Variants in SMR3B observed in about 807,000 individuals in gnomAD.
SMR3B encodes the protein submaxillary gland androgen-regulated protein 3B.
For synonymous variants in SMR3B, 42 were observed against 36.1 expected (o/e 1.16, Z -0.59); for missense variants, 114 against 99.9 (o/e 1.14, Z -0.60).
chr4:70,387,887 C>A (rs1732692298), intron 2 of SMR3B, among the ~76,000 whole-genome samples: 1 of 152,198 alleles, frequency 6.6e-6, no homozygotes, highest in African/African-American at 2.4e-5. Context: ...TTGTGACATC[C>A]TCTACCATTG....
At chr4:70,384,049 C>T (rs1021714393) in intron 1 of SMR3B, among the ~76,000 whole-genome samples, 1 of 151,198 alleles carries the variant, frequency 6.6e-6, no homozygotes, top group Non-Finnish European at 1.5e-5. Flanking sequence ...CTCTTCCAAG[C>T]AATAAAATTT....
chr4:70,389,291 G>A (rs1732717681), intron 2 of SMR3B, among the ~76,000 whole-genome samples: 3 of 152,024 alleles, frequency 2.0e-5, no homozygotes, highest in Admixed American at 2.0e-4. Context: ...TATGGTTGTT[G>A]GCAGGATTCA....
intron 1 of SMR3B, among the ~76,000 whole-genome samples, chr4:70,384,163 G>T (rs1732612944): frequency 6.6e-6 from 1 of 151,942 alleles, no homozygotes; most frequent in Non-Finnish European, 1.5e-5. Context: ...ATGAAAATAA[G>T]TATACATTTT....
intron 2 of SMR3B, among the ~76,000 whole-genome samples, chr4:70,385,405 T>G (rs967072000): frequency 1.5e-5 from 2 of 134,452 alleles, no homozygotes; most frequent in Non-Finnish European, 3.1e-5. Flanking sequence ...TTTGTTTTTT[T>G]TTTTTTTTTT....
chr4:70,386,395 T>C (rs1053189160), intron 2 of SMR3B, among the ~76,000 whole-genome samples: 2 of 152,100 alleles, frequency 1.3e-5, no homozygotes, highest in Non-Finnish European at 2.9e-5. Context: ...TTATTGAATG[T>C]TGGAAATATG....
chr4:70,389,084 C>A (rs1466755050), intron 2 of SMR3B, among the ~76,000 whole-genome samples: 5 of 152,070 alleles, frequency 3.3e-5, no homozygotes, highest in Admixed American at 6.6e-5. Context: ...GACTTAGATA[C>A]AATGTAATGG....
intron 2 of SMR3B, among the ~76,000 whole-genome samples, chr4:70,388,364 C>T (rs963919784): frequency 6.6e-6 from 1 of 152,148 alleles, no homozygotes; most frequent in Non-Finnish European, 1.5e-5. Context: ...CCACCTGCCT[C>T]AGCCTCCCAA....
At chr4:70,387,236 A>G (rs866987273) in intron 2 of SMR3B, among the ~76,000 whole-genome samples, 22 of 152,328 alleles carry the variant, frequency 1.4e-4, no homozygotes, top group Middle Eastern at 3.4e-3. Context: ...CAAATGATCT[A>G]TTTAAACTTT....
intron 2 of SMR3B, 65 bp from the exon 3 acceptor site, chr4:70,389,598 G>A: frequency 6.6e-7 from 1 of 1,505,010 alleles, no homozygotes; most frequent in Non-Finnish European, 9.1e-7. Flanking sequence ...ACCACAGAAA[G>A]CATTCACCCT....
intron 2 of SMR3B, among the ~76,000 whole-genome samples, chr4:70,387,165 C>G (rs1203686110): frequency 6.6e-6 from 1 of 152,108 alleles, no homozygotes; most frequent in African/African-American, 2.4e-5. Flanking sequence ...AACAAGGGTA[C>G]CGGTGGTTGA....
Position 70,384,541 on chromosome 4 carries a change from T to TGG in SMR3B, c.33_34dup (p.Ala12GlyfsTer100). 1 of 1,610,970 alleles carries TGG rather than the reference T, an allele frequency of 6.2e-7. No homozygotes were observed. The highest frequency in any genetic ancestry group is 1.1e-5 in the South Asian group (1 of 90,704). Reference sequence around the variant, plus strand: ...ATCACTGACTTGGATCTTGGGCCTTTGGGCTCTTGCAGCGTGTTTCACAGT... The same window carrying TGG: ...ATCACTGACTTGGATCTTGGGCCTTTGGGGGCTCTTGCAGCGTGTTTCACAGT... On this transcript the variant is annotated frameshift_variant, in exon 2 of 3. Coordinates refer to ENST00000304915, the MANE Select transcript of SMR3B (RefSeq NM_006685.4). LOFTEE classifies it low-confidence loss of function (END_TRUNC).
rs757822334 is a variant in SMR3B at position 70,384,592 on chromosome 4, T to C, written c.54+28T>C. ...AAGTATCATTAATCACGATCACACT[T>C]CTTTATAGTTTCTCATTAACCATTA... On this transcript the variant is annotated intron_variant, in intron 2 of 2. Coordinates refer to ENST00000304915, the MANE Select transcript of SMR3B (RefSeq NM_006685.4). The C allele has an allele frequency of 4.5e-6, 7 of 1,563,600 alleles. No individual in the cohort carries two copies. The South Asian group carries it at 8.5e-5, about 19-fold the overall frequency.
intron 2 of SMR3B, among the ~76,000 whole-genome samples, chr4:70,387,873 G>C (rs1732692094): frequency 6.6e-6 from 1 of 152,214 alleles, no homozygotes; most frequent in East Asian, 1.9e-4. Context: ...TGATGGTACA[G>C]TGCTTGTGAC....
intron 2 of SMR3B, among the ~76,000 whole-genome samples, chr4:70,388,072 A>G (rs1449800746): frequency 6.6e-6 from 1 of 152,194 alleles, no homozygotes; most frequent in Non-Finnish European, 1.5e-5. Flanking sequence ...ACTTCTTGTC[A>G]TCAGTAGAGT....
At chr4:70,386,960 C>T (rs1732677123) in intron 2 of SMR3B, among the ~76,000 whole-genome samples, 1 of 152,146 alleles carries the variant, frequency 6.6e-6, no homozygotes, top group Admixed American at 6.5e-5. Flanking sequence ...AAACATGAGG[C>T]CAGTTCTACA....
intron 2 of SMR3B, 131 bp downstream of exon 2, chr4:70,384,695 T>A: frequency 1.3e-6 from 2 of 1,503,594 alleles, no homozygotes; most frequent in Non-Finnish European, 1.8e-6. Flanking sequence ...GAAACACTGT[T>A]TAGGGCTTAA....
At chr4:70,383,686 A>C (rs1469156728) in intron 1 of SMR3B, among the ~76,000 whole-genome samples, 1 of 152,188 alleles carries the variant, frequency 6.6e-6, no homozygotes, top group South Asian at 2.1e-4. Flanking sequence ...TTTTGTCCAT[A>C]GGATTCTTTC....
Position 70,390,077 on chromosome 4 carries a change from G to A in SMR3B, c.*229G>A. The stretch of plus-strand genomic sequence containing the variant: ...TACCCAAAATATGAATTCCAACACT[G>A]CTTCCAAGAGACATTTACATAAAAT... On this transcript the variant is annotated 3_prime_UTR_variant, in exon 3 of 3. Coordinates refer to ENST00000304915, the MANE Select transcript of SMR3B (RefSeq NM_006685.4). 1.2e-6 allele frequency: 1 copy of A among 863,216 alleles called. No homozygotes were observed. Among genetic ancestry groups the A allele is most frequent in the East Asian group, 2.5e-5 (1 of 40,230 alleles). The allele number at this position is 863,216 out of a possible 1,614,324, so 53.5% of individuals were successfully genotyped here.
At chr4:70,387,564 G>C (rs555840704) in intron 2 of SMR3B, among the ~76,000 whole-genome samples, 1 of 152,128 alleles carries the variant, frequency 6.6e-6, no homozygotes. Flanking sequence ...AAGACTGACA[G>C]AGCCAAGTCC....
Sources: gnomAD v4.1 joint callset for allele counts (sites outside exome capture counted in the v4.1 genomes callset) on GRCh38, gnomAD v4.1.1 for gene constraint, MANE v1.5 for transcripts, NCBI Gene and HGNC (gene_info 2026-07-23, HGNC 2026-07-21) for gene names.